The following F8 variants were observed in gnomAD, a reference collection of about 807,000 sequenced individuals.
F8 encodes coagulation factor VIII.
A neutral mutation model predicts 140.6 loss-of-function variants in F8; 12 were observed. The ratio of observed to expected loss-of-function variants is 0.09; its 90% confidence interval spans 0.05 to 0.14. The LOEUF (loss-of-function observed/expected upper bound fraction) is 0.14. Among genes scored for constraint, F8 ranks in the 10% least tolerant of loss-of-function variants. The probability of loss-of-function intolerance (pLI) is 1.00; values close to 1 mark genes in which losing one functional copy is unlikely to be tolerated. For missense variants in F8, 1,354 were observed against 1,720.7 expected, an observed-to-expected ratio of 0.79 and a Z score of 3.77; for synonymous variants, 585 against 614.6, an observed-to-expected ratio of 0.95 and a Z score of 0.71.
intron 22 of F8, among the ~76,000 whole-genome samples, chrX:154,888,380 A>ATTTTTTTTTTTTT (rs782710109): frequency 5.8e-4 from 13 of 22,244 alleles, no homozygotes; most frequent in Admixed American, 2.9e-3. Flanking sequence ...TGTAATAGGG[A>ATTTTTTTTTTTTT]TTTTTTTTTT....
At chrX:154,878,806 T>C (rs28858096) in intron 22 of F8, among the ~76,000 whole-genome samples, 1,386 of 112,152 alleles carry the variant, frequency 0.012, 24 homozygotes, top group African/African-American at 0.042. Flanking sequence ...AAGATCAACG[T>C]GCAAAAATCA....
Position 154,839,781 on chromosome X carries a change from C to T in F8, c.6901-2029G>A, listed in dbSNP as rs186610624. ...GCTTATTGACTGTTTCCTCTGTCTC[C>T]GCCACCAAATGTCAGTTCCACAAGG... is the stretch of plus-strand genomic sequence containing the variant. On this transcript the variant is annotated intron_variant, in intron 25 of 25. Transcript: ENST00000360256. Among the ~76,000 whole-genome samples, 556 of 111,498 alleles carry T rather than the reference C, an allele frequency of 5.0e-3. 2 individuals carry two copies. Among genetic ancestry groups the T allele is most frequent in the Non-Finnish European group, 8.8e-3 (469 of 53,081 alleles).
intron 22 of F8, among the ~76,000 whole-genome samples, chrX:154,890,676 G>A (rs993198598): frequency 3.5e-4 from 39 of 112,161 alleles, no homozygotes; most frequent in African/African-American, 1.2e-3. Flanking sequence ...ACTCTAATGT[G>A]CACATTTGCA....
In F8 at chrX:155,018,903, G is replaced by C. The variant is rs184784984; in HGVS notation, c.143+3507C>G. Among the ~76,000 whole-genome samples, 4 of 111,983 alleles carry C rather than the reference G, an allele frequency of 3.6e-5. No individual in the cohort carries two copies. In the East Asian group the frequency reaches 1.1e-3, roughly 31 times the overall value. On this transcript the variant is annotated intron_variant, in intron 1 of 25. Coordinates refer to ENST00000360256, the MANE Select transcript of F8 (RefSeq NM_000132.4). ...GTTACTTAAGCTATTCTAAGCAATAGAAAAAGATGGAGTACTCATCAATTC... is the reference window on the plus strand; with the variant it reads ...GTTACTTAAGCTATTCTAAGCAATACAAAAAGATGGAGTACTCATCAATTC...
At chrX:154,880,482 A>G (rs1256478224) in intron 22 of F8, among the ~76,000 whole-genome samples, 4 of 111,763 alleles carry the variant, frequency 3.6e-5, no homozygotes, top group African/African-American at 1.3e-4. Flanking sequence ...CTTCTTAGTG[A>G]CTTTTCCACA....
In F8 at chrX:154,899,848, T is replaced by C. The variant is rs1430117036; in HGVS notation, c.6273+18A>G. Reference sequence around the variant, plus strand: ...ATTGAATGTGATACATTTCCCATCATTGATTACATTTTCTAACCTTGATCC... The same window carrying C: ...ATTGAATGTGATACATTTCCCATCACTGATTACATTTTCTAACCTTGATCC... On this transcript the variant is annotated intron_variant, in intron 21 of 25. Transcript: ENST00000360256. 9.3e-6 allele frequency: 11 copies of C among 1,183,698 alleles called. No individual in the cohort carries two copies. The highest frequency in any genetic ancestry group is 1.7e-5 in the African/African-American group (1 of 57,320).
At chrX:155,015,546 A>T (rs920969221) in intron 1 of F8, among the ~76,000 whole-genome samples, 5 of 112,389 alleles carry the variant, frequency 4.4e-5, no homozygotes, top group South Asian at 3.7e-4. Flanking sequence ...CCATTATCCT[A>T]AGTGAATTAA....
At position 154,863,125 on chromosome X, in the gene F8, G is replaced by A. The variant is rs137852464; in HGVS notation, c.6532C>T (p.Arg2178Cys). 3.3e-6 allele frequency: 4 copies of A among 1,210,937 alleles called. No individual in the cohort carries two copies. Among genetic ancestry groups the A allele is most frequent in the East Asian group, 3.0e-5 (1 of 33,861 alleles). Residue 2178 changes from arginine to cysteine, a missense_variant, in exon 23 of 26, where the codon CGC (arginine) becomes TGC (cysteine). This residue lies in a region of F8 where 316 missense variants were observed against 485.4 expected (regional missense o/e 0.65). Coordinates refer to ENST00000360256, the MANE Select transcript of F8 (RefSeq NM_000132.4). ...ATCAACTCCATGCGAAGAGTGCTGC[G>A]AATGCTATAATGAGTTGGGTGCAAA... ...IRLHPTHYSI[R>C]STLRMELMGC...
intron 13 of F8, among the ~76,000 whole-genome samples, chrX:154,933,234 T>C (rs2073207363): frequency 8.9e-6 from 1 of 112,177 alleles, no homozygotes; most frequent in South Asian, 3.7e-4. Context: ...AATTAAGAAA[T>C]TTCACATATA....
chrX:154,986,692 G>T lies in F8; in HGVS notation c.670+545C>A, dbSNP rs28370205. Among the ~76,000 whole-genome samples the T allele has an allele frequency of 5.6e-3, 628 of 111,193 alleles. 3 individuals carry two copies. The highest frequency in any genetic ancestry group is 0.019 in the African/African-American group (593 of 30,545). The stretch of plus-strand genomic sequence containing the variant: ...AGATCATGAGGGCCTCAATTAAGAA[G>T]ATGGCAATGTAAATTGATAAGGGGG... On this transcript the variant is annotated intron_variant, in intron 5 of 25. Transcript: ENST00000360256.
chrX:155,014,222 C>T (rs2073723396), intron 1 of F8, among the ~76,000 whole-genome samples: 3 of 111,588 alleles, frequency 2.7e-5, no homozygotes, highest in African/African-American at 9.8e-5. Context: ...AAGCATTTGA[C>T]AAAATCTAAT....
intron 13 of F8, among the ~76,000 whole-genome samples, chrX:154,932,084 G>T (rs1307476748): frequency 3.6e-5 from 4 of 112,051 alleles, no homozygotes; most frequent in African/African-American, 1.3e-4. Context: ...CCATCAGATT[G>T]CCTGGATTCA....
intron 24 of F8, 21 bp downstream of exon 24, chrX:154,861,697 A>G (rs782727913): frequency 5.8e-6 from 7 of 1,208,932 alleles, no homozygotes; most frequent in Non-Finnish European, 7.8e-6. Context: ...TCAGTTAAAC[A>G]GTAAATCTGT....
In F8 at chrX:154,931,679, G is replaced by A. The variant is rs1557278877; in HGVS notation, c.2114-3C>T. 5 of 1,197,911 alleles carry A rather than the reference G, an allele frequency of 4.2e-6. No individual in the cohort carries two copies. In the South Asian group the frequency reaches 5.3e-5, roughly 13 times the overall value. ...GTGGCACCCCAGAATCCATAGACCT[G>A]GAGATGAGGAAGAATAAGACTCTGG... is the stretch of plus-strand genomic sequence containing the variant. On this transcript the variant is annotated splice_polypyrimidine_tract_variant and splice_region_variant and intron_variant, in intron 13 of 25. Coordinates refer to ENST00000360256, the MANE Select transcript of F8 (RefSeq NM_000132.4).
chrX:154,916,859 A>T (rs1193028059), intron 14 of F8, among the ~76,000 whole-genome samples: 2 of 110,106 alleles, frequency 1.8e-5, no homozygotes, highest in Non-Finnish European at 3.8e-5. Context: ...TTGTTTTTCT[A>T]TGTCCTTGAG....
intron 6 of F8, among the ~76,000 whole-genome samples, chrX:154,982,219 G>C (rs1465053953): frequency 9.5e-6 from 1 of 105,062 alleles, no homozygotes; most frequent in South Asian, 4.3e-4. Context: ...AGGCCAAGGC[G>C]GGTGGATCAC....
chrX:154,954,897 A>T (rs1397062179), intron 11 of F8, among the ~76,000 whole-genome samples: 1 of 111,685 alleles, frequency 9.0e-6, no homozygotes, highest in Non-Finnish European at 1.9e-5. Context: ...AAGTTCATAT[A>T]CTTTACTCTC....
At chrX:154,982,682 C>T (rs1049190678) in intron 6 of F8, among the ~76,000 whole-genome samples, 4 of 110,525 alleles carry the variant, frequency 3.6e-5, no homozygotes, top group Non-Finnish European at 7.6e-5. Context: ...ATAAAATTAA[C>T]GGTAGTAGCC....
intron 25 of F8, among the ~76,000 whole-genome samples, chrX:154,858,081 G>C (rs2072662632): frequency 8.9e-6 from 1 of 112,256 alleles, no homozygotes; most frequent in Non-Finnish European, 1.9e-5. Flanking sequence ...AGAGGTTGCA[G>C]TGAGCTGAGA....
Sources: gnomAD v4.1 joint callset for allele counts (sites outside exome capture counted in the v4.1 genomes callset) on GRCh38, gnomAD v4.1.1 for gene constraint, gnomAD v4.1.1 regional missense constraint, MANE v1.5 for transcripts, NCBI Gene and HGNC (gene_info 2026-07-23, HGNC 2026-07-21) for gene names.